STIM2: variants seen among roughly 807,000 people sequenced by gnomAD.
STIM2 encodes the protein stromal interaction molecule 2.
In STIM2, 31 loss-of-function variants were observed where a neutral mutation model predicts 85.8. That is an observed-to-expected ratio of 0.36 (90% CI 0.27 to 0.49). STIM2 has a LOEUF of 0.49. STIM2 is among the 20% of genes least tolerant of loss of function. The probability of loss-of-function intolerance (pLI) is 0.98; values close to 1 mark genes in which losing one functional copy is unlikely to be tolerated. For synonymous variants in STIM2, 356 were observed against 331.1 expected, an observed-to-expected ratio of 1.08 and a Z score of -0.82; for missense variants, 841 against 927.6, an observed-to-expected ratio of 0.91 and a Z score of 1.21.
chr4:26,979,965 T>G (rs1727323215), intron 3 of STIM2, among the ~76,000 whole-genome samples: 1 of 152,212 alleles, frequency 6.6e-6, no homozygotes, highest in African/African-American at 2.4e-5. Flanking sequence ...GGTCTCACTG[T>G]GTTGACTAGA....
chr4:27,015,858 G>GA (rs377442280), intron 10 of STIM2, among the ~76,000 whole-genome samples: 28 of 130,034 alleles, frequency 2.2e-4, no homozygotes, highest in East Asian at 1.1e-3. Flanking sequence ...TATCAGTTCT[G>GA]AAAAAAAAAC....
intron 10 of STIM2, among the ~76,000 whole-genome samples, chr4:27,009,337 T>C (rs1448669023): frequency 2.0e-5 from 3 of 152,200 alleles, no homozygotes; most frequent in Non-Finnish European, 4.4e-5. Flanking sequence ...AAAACATTGC[T>C]TGTAATTAAA....
At chr4:26,873,780 G>T in intron 1 of STIM2, 1 of 863,900 alleles carries the variant, frequency 1.2e-6, no homozygotes, top group South Asian at 1.3e-5. Flanking sequence ...GAGAGCAGAG[G>T]GGCTCTGTCA....
chr4:27,005,425 T>A (rs998680682), intron 7 of STIM2, among the ~76,000 whole-genome samples: 1 of 152,178 alleles, frequency 6.6e-6, no homozygotes, highest in Non-Finnish European at 1.5e-5. Flanking sequence ...AATAATACAG[T>A]TGGGTCTAGA....
Position 26,894,859 on chromosome 4 carries a change from A to G in STIM2, c.152-24645A>G, listed in dbSNP as rs545653770. 3.3e-5 allele frequency among the ~76,000 whole-genome samples: 5 copies of G among 152,308 alleles called. No homozygotes were observed. The South Asian group carries it at 1.0e-3, about 32-fold the overall frequency. ...TATTGGAACTGCACTGGTTCTATTAAATTGATTTGGAGGCAGTTGACATAC... is the reference window on the plus strand; with the variant it reads ...TATTGGAACTGCACTGGTTCTATTAGATTGATTTGGAGGCAGTTGACATAC... On this transcript the variant is annotated intron_variant, in intron 1 of 11. Coordinates refer to ENST00000467087, the MANE Select transcript of STIM2 (RefSeq NM_020860.4).
intron 2 of STIM2, among the ~76,000 whole-genome samples, chr4:26,928,221 C>G (rs1300351608): frequency 6.6e-6 from 1 of 152,142 alleles, no homozygotes; most frequent in Non-Finnish European, 1.5e-5. Flanking sequence ...TCCCTGTTAC[C>G]TCTTACTTCC....
At chr4:26,890,901 C>T (rs1346841793) in intron 1 of STIM2, among the ~76,000 whole-genome samples, 1 of 151,774 alleles carries the variant, frequency 6.6e-6, no homozygotes, top group East Asian at 1.9e-4. Context: ...TAAGGGTCTT[C>T]ACTCTGATTA....
At chr4:26,946,351 A>G (rs189003052) in intron 2 of STIM2, among the ~76,000 whole-genome samples, 1 of 152,360 alleles carries the variant, frequency 6.6e-6, no homozygotes, top group East Asian at 1.9e-4. Context: ...TGATTACTTA[A>G]CAGAACTTAT....
chr4:26,963,813 T>C (rs1304321370), intron 3 of STIM2, among the ~76,000 whole-genome samples: 1 of 152,140 alleles, frequency 6.6e-6, no homozygotes, highest in Non-Finnish European at 1.5e-5. Context: ...TTAAAATGAG[T>C]CCAGATGTAA....
chr4:27,001,726 T>C (rs1325176219), intron 5 of STIM2, among the ~76,000 whole-genome samples: 8 of 152,216 alleles, frequency 5.3e-5, no homozygotes, highest in African/African-American at 1.9e-4. Flanking sequence ...GAACCACTGA[T>C]TAACCTAACC....
intron 1 of STIM2, among the ~76,000 whole-genome samples, chr4:26,910,352 G>A (rs888656376): frequency 4.0e-5 from 6 of 151,772 alleles, no homozygotes; most frequent in African/African-American, 1.2e-4. Context: ...GTGAAATCCC[G>A]TCTTTACTAA....
At chr4:26,870,336 A>C (rs2109028203) in intron 1 of STIM2, among the ~76,000 whole-genome samples, 1 of 152,026 alleles carries the variant, frequency 6.6e-6, no homozygotes, top group Non-Finnish European at 1.5e-5. Flanking sequence ...GTGATGGATT[A>C]TGTGAATTAG....
chr4:26,974,287 T>A (rs1046357863), intron 3 of STIM2, among the ~76,000 whole-genome samples: 4 of 152,242 alleles, frequency 2.6e-5, no homozygotes, highest in Admixed American at 6.5e-5. Flanking sequence ...TGATGTTTGC[T>A]GGTTATTTTT....
At chr4:26,891,558 T>TACACAC (rs71643700) in intron 1 of STIM2, among the ~76,000 whole-genome samples, 144 of 144,638 alleles carry the variant, frequency 1.0e-3, no homozygotes, top group African/African-American at 2.7e-3. Flanking sequence ...TATACATACA[T>TACACAC]ACACACACAC....
At chr4:26,985,480 A>G (rs189798196) in intron 3 of STIM2, among the ~76,000 whole-genome samples, 202 of 152,342 alleles carry the variant, frequency 1.3e-3, no homozygotes, top group African/African-American at 4.7e-3. Context: ...AAACATTCCA[A>G]TAACACAAAT....
At position 26,860,921 on chromosome 4, in the gene STIM2, C is replaced by G. The variant is rs568099314; in HGVS notation, c.-298C>G. ...GAAGACGCCGTACCTTTCTACCCCC[C>G]ACCTTTTTTTTTTTTTTTTTTAAAT... is the stretch of plus-strand genomic sequence containing the variant. On this transcript the variant is annotated 5_prime_UTR_variant, in exon 1 of 12. Transcript: ENST00000467087. 22 of 962,994 alleles carry G rather than the reference C, an allele frequency of 2.3e-5. No homozygotes were observed. Among genetic ancestry groups the G allele is most frequent in the South Asian group, 3.6e-5 (2 of 55,668 alleles). The allele number at this position is 962,994 out of a possible 1,614,324, so 59.7% of individuals were successfully genotyped here. A position where few individuals can be genotyped will look rare whatever the true frequency, so the allele number is the denominator to read the frequency against.
chr4:27,021,140 C>G, intron 11 of STIM2: 1 of 1,359,448 alleles, frequency 7.4e-7, no homozygotes, highest in Non-Finnish European at 1.0e-6. Flanking sequence ...CCCTTCCATT[C>G]ATTCATCCAA....
chr4:26,984,463 T>A (rs1212240204), intron 3 of STIM2, among the ~76,000 whole-genome samples: 2 of 152,140 alleles, frequency 1.3e-5, no homozygotes, highest in Non-Finnish European at 2.9e-5. Flanking sequence ...CAGGCTCAAG[T>A]GATTCTCCTG....
In STIM2 at chr4:27,002,296, T is replaced by C. The variant is rs1728182989; in HGVS notation, c.705T>C (p.Tyr235=). ...GTGTTGGAGGCTGCTGGTTTGCTTA[T>C]ACGCAGAATAAGACATCAAAAGAAC... is the stretch of plus-strand genomic sequence containing the variant. Residue 235 remains tyrosine, a synonymous_variant, in exon 6 of 12, where the codon TAT becomes TAC. Coordinates refer to ENST00000467087, the MANE Select transcript of STIM2 (RefSeq NM_020860.4). 5.0e-6 allele frequency: 8 copies of C among 1,613,614 alleles called. No individual in the cohort carries two copies. The highest frequency in any genetic ancestry group is 6.8e-6 in the Non-Finnish European group (8 of 1,179,904).
Sources: allele counts gnomAD v4.1 joint callset (sites outside exome capture counted in the v4.1 genomes callset), GRCh38; gene constraint gnomAD v4.1.1; transcripts MANE v1.5; gene names NCBI Gene and HGNC (gene_info 2026-07-23, HGNC 2026-07-21).